FARP1: variants seen among roughly 807,000 people sequenced by gnomAD.
FARP1 encodes FERM, ARH/RhoGEF and pleckstrin domain protein 1.
A neutral mutation model predicts 128.8 loss-of-function variants in FARP1; 52 were observed. The ratio of observed to expected loss-of-function variants is 0.40; its 90% CI spans 0.32 to 0.51. FARP1 has a LOEUF of 0.51. Ranked by LOEUF, FARP1 falls within the 20% of genes least tolerant of loss-of-function variation. The pLI, the probability that FARP1 is intolerant of heterozygous loss-of-function variation, is 0.45. For synonymous variants in FARP1, 580 were observed against 551.8 expected (o/e 1.05, Z -0.72); for missense variants, 1,333 against 1,367.9 (o/e 0.97, Z 0.40).
intron 2 of FARP1, among the ~76,000 whole-genome samples, chr13:98,214,935 G>A (rs1285427620): frequency 2.6e-5 from 4 of 152,156 alleles, no homozygotes; most frequent in Non-Finnish European, 2.9e-5. Flanking sequence ...GAGGTGTTTC[G>A]TTTCAGTGTT....
At chr13:98,191,958 G>A (rs571337187) in intron 1 of FARP1, among the ~76,000 whole-genome samples, 6 of 151,964 alleles carry the variant, frequency 3.9e-5, no homozygotes, top group Non-Finnish European at 8.8e-5. Context: ...AATTAAATAC[G>A]TAAGTAAATA....
At position 98,368,132 on chromosome 13, in the gene FARP1, T is replaced by C; in HGVS notation, c.335T>C (p.Val112Ala). ...VKQIRRPKHVVVKFVVKFFPP... is the reference protein window; with the variant it reads ...VKQIRRPKHVAVKFVVKFFPP... ...TCTTCTTTAGGGCCAAAGCACGTTG[T>C]TGTTAAGTTTGTGGTGAAATTCTTT... Residue 112 changes from valine to alanine, a missense_variant, in exon 5 of 27, where the codon GTT (valine) becomes GCT (alanine). Physicochemically the swap from Val to Ala is moderately conservative, Grantham distance 64 (BLOSUM62 0). Transcript: ENST00000319562. 1.2e-6 allele frequency: 2 copies of C among 1,613,878 alleles called. No individual in the cohort carries two copies. Among genetic ancestry groups the C allele is most frequent in the Non-Finnish European group, 1.7e-6 (2 of 1,179,760 alleles).
rs143447898 is a variant in FARP1, at chr13:98,266,479, C to A, written c.171+53066C>A. Among the ~76,000 whole-genome samples the A allele has an allele frequency of 8.5e-5, 13 of 152,262 alleles. No individual in the cohort carries two copies. The East Asian group carries it at 2.5e-3, about 29-fold the overall frequency. Reference sequence around the variant, plus strand: ...CCTGGGCCCAGCTCAGCGTCCACAGCAAACTCCTATCAGGCCTGATCACCC... The same window carrying A: ...CCTGGGCCCAGCTCAGCGTCCACAGAAAACTCCTATCAGGCCTGATCACCC... On this transcript the variant is annotated intron_variant, in intron 2 of 26. Coordinates refer to ENST00000319562, the MANE Select transcript of FARP1 (RefSeq NM_005766.4).
chr13:98,447,164 G>GAAATGCAACAGTC, intron 26 of FARP1: 1 of 209,918 alleles, frequency 4.8e-6, no homozygotes, highest in Non-Finnish European at 9.6e-6. Flanking sequence ...AGCCAAGAAA[G>GAAATGCAACAGTC]AAATGCAACA....
chr13:98,369,453 G>A (rs1312584972), intron 5 of FARP1, among the ~76,000 whole-genome samples: 2 of 150,406 alleles, frequency 1.3e-5, no homozygotes, highest in Non-Finnish European at 2.9e-5. Context: ...CCATGCTGGT[G>A]TGCTGCACCC....
chr13:98,168,559 T>TG (rs969798777), intron 1 of FARP1, among the ~76,000 whole-genome samples: 10 of 152,190 alleles, frequency 6.6e-5, no homozygotes, highest in African/African-American at 1.2e-4. Flanking sequence ...TGTAATCTAC[T>TG]GGGGGGGTTC....
chr13:98,245,239 A>T, intron 2 of FARP1: 5 of 985,138 alleles, frequency 5.1e-6, no homozygotes, highest in Non-Finnish European at 6.0e-6. Context: ...TAACTTTTTT[A>T]TTCAAAGAAT....
At chr13:98,238,861 A>G (rs1386144740) in intron 2 of FARP1, among the ~76,000 whole-genome samples, 1 of 152,168 alleles carries the variant, frequency 6.6e-6, no homozygotes, top group Non-Finnish European at 1.5e-5. Context: ...GGGGAGTCAA[A>G]AGTTCTACTC....
intron 13 of FARP1, chr13:98,396,248 G>T (rs1189563990): frequency 2.5e-6 from 1 of 399,064 alleles, no homozygotes; most frequent in East Asian, 3.6e-5. Flanking sequence ...CAGTCGGTGT[G>T]TGCCAGAGGC....
chr13:98,323,494 C>T lies in FARP1; in HGVS notation c.172-20268C>T, dbSNP rs142530907. On this transcript the variant is annotated intron_variant, in intron 2 of 26. Coordinates refer to ENST00000319562, the MANE Select transcript of FARP1 (RefSeq NM_005766.4). ...GAGGCTTCCATTATTATTATAAGATCAATAATAAATACACTGAATTTATGT... is the reference window on the plus strand; with the variant it reads ...GAGGCTTCCATTATTATTATAAGATTAATAATAAATACACTGAATTTATGT... Among the ~76,000 whole-genome samples the T allele has an allele frequency of 3.5e-3, 527 of 149,114 alleles. 5 individuals are homozygous for T. The highest frequency in any genetic ancestry group is 0.012 in the African/African-American group (478 of 40,584).
chr13:98,374,585 G>T (rs1187916270), intron 5 of FARP1, among the ~76,000 whole-genome samples: 1 of 152,176 alleles, frequency 6.6e-6, no homozygotes, highest in Non-Finnish European at 1.5e-5. Flanking sequence ...ACACTACACA[G>T]TATCCTACTT....
intron 3 of FARP1, among the ~76,000 whole-genome samples, chr13:98,358,067 TTC>T (rs1888710652): frequency 6.6e-6 from 1 of 151,968 alleles, no homozygotes; most frequent in African/African-American, 2.4e-5. Context: ...TCTAATACAT[TTC>T]TGTTTTTTTT....
chr13:98,326,379 G>T (rs1265150336), intron 2 of FARP1, among the ~76,000 whole-genome samples: 5 of 152,056 alleles, frequency 3.3e-5, no homozygotes, highest in African/African-American at 9.7e-5. Context: ...GTAGCTTTTC[G>T]TATTTTCACA....
At chr13:98,231,774 T>C (rs1397894037) in intron 2 of FARP1, among the ~76,000 whole-genome samples, 2 of 152,192 alleles carry the variant, frequency 1.3e-5, no homozygotes, top group African/African-American at 4.8e-5. Context: ...TAGAGTACTT[T>C]TTTTCCTCAT....
intron 20 of FARP1, 91 bp from the exon 21 acceptor site, chr13:98,439,016 A>G (rs1053564622): frequency 1.4e-6 from 2 of 1,382,020 alleles, no homozygotes; most frequent in African/African-American, 2.8e-5. Context: ...GTTGTTGAGG[A>G]CAGTGAAGGC....
At chr13:98,410,271 G>A (rs1891141447) in intron 14 of FARP1, among the ~76,000 whole-genome samples, 2 of 152,344 alleles carry the variant, frequency 1.3e-5, no homozygotes, top group Non-Finnish European at 1.5e-5. Flanking sequence ...TCAGGCCGAT[G>A]ATGCCACCAG....
intron 2 of FARP1, among the ~76,000 whole-genome samples, chr13:98,294,644 T>A (rs1885583104): frequency 6.6e-6 from 1 of 152,140 alleles, no homozygotes; most frequent in South Asian, 2.1e-4. Flanking sequence ...AGAGAGCACT[T>A]TAGAGATTGG....
chr13:98,165,078 G>A (rs1027009744), intron 1 of FARP1, among the ~76,000 whole-genome samples: 3 of 151,926 alleles, frequency 2.0e-5, no homozygotes, highest in African/African-American at 4.8e-5. Flanking sequence ...AGCTGAGTGT[G>A]GTGGTACACA....
At chr13:98,149,471 T>G (rs1875817725) in intron 1 of FARP1, among the ~76,000 whole-genome samples, 1 of 152,192 alleles carries the variant, frequency 6.6e-6, no homozygotes. Context: ...CCTGGGTCTT[T>G]AAGTGTGTGC....
Sources: gnomAD v4.1 joint callset for allele counts (sites outside exome capture counted in the v4.1 genomes callset) on GRCh38, gnomAD v4.1.1 for gene constraint, MANE v1.5 for transcripts, NCBI Gene and HGNC (gene_info 2026-07-23, HGNC 2026-07-21) for gene names.